The following CELSR3 variants were observed in gnomAD, a reference collection of about 807,000 sequenced individuals.
The protein encoded by CELSR3 is EGF-like protein 1.
In CELSR3, 73 loss-of-function variants were observed where a neutral mutation model predicts 270.0. The ratio of observed to expected loss-of-function variants is 0.27; its 90% CI spans 0.22 to 0.33. The LOEUF (loss-of-function observed/expected upper bound fraction) is 0.33. Ranked by LOEUF, CELSR3 falls within the 10% of genes least tolerant of loss-of-function variation. CELSR3 has a pLI of 1.00. For synonymous variants in CELSR3, 1,780 were observed against 1,905.4 expected (o/e 0.93, Z 1.71); for missense variants, 3,614 against 4,533.8 (o/e 0.80, Z 5.83).
chr3:48,652,623 G>C lies in CELSR3; in HGVS notation c.5635-70C>G. 8.0e-7 allele frequency: 1 copy of C among 1,247,308 alleles called. No individual in the cohort carries two copies. Among genetic ancestry groups the C allele is most frequent in the Non-Finnish European group, 1.1e-6 (1 of 889,502 alleles). The allele number at this position is 1,247,308 out of a possible 1,614,324, so 77.3% of individuals were successfully genotyped here. The stretch of plus-strand genomic sequence containing the variant: ...GAACCCCTGTCATAGCCCAGAGTCA[G>C]TCTTGGCCTTCTTCTAGCCCTTCTA... On this transcript the variant is annotated intron_variant, in intron 10 of 34. Transcript: ENST00000164024. This position sits in a 1 kb window ranked among gnomAD's most constrained non-coding sequence, Gnocchi z 4.3.
chr3:48,645,707 C>T lies in CELSR3; in HGVS notation c.7590+35G>A. ...GGCAGAATCCCCGTGTCCCTTTGAC[C>T]CCCCACTTCCTTGGGACACTGAACA... On this transcript the variant is annotated intron_variant, in intron 23 of 34. Coordinates refer to ENST00000164024, the MANE Select transcript of CELSR3 (RefSeq NM_001407.3). This position sits in a 1 kb window ranked among gnomAD's most constrained non-coding sequence, Gnocchi z 5.4. 6.3e-7 allele frequency: 1 copy of T among 1,599,956 alleles called. No homozygotes were observed. Among genetic ancestry groups the T allele is most frequent in the Non-Finnish European group, 8.5e-7 (1 of 1,169,628 alleles).
rs1559475374 is a variant in CELSR3 at position 48,641,390 on chromosome 3, G to T, written c.8959C>A (p.Gln2987Lys). The T allele has an allele frequency of 6.2e-7, 1 of 1,612,644 alleles. No homozygotes were observed. Among genetic ancestry groups the T allele is most frequent in the South Asian group, 1.1e-5 (1 of 91,080 alleles). Residue 2987 changes from glutamine (Q) to lysine (K), a missense_variant, in exon 33 of 35, where the codon CAG (glutamine) becomes AAG (lysine). Around this residue, in one of 7 missense-constraint regions of CELSR3, gnomAD observed 1,240 missense variants for 1,351.7 expected, o/e 0.92. Transcript: ENST00000164024. This position sits in a 1 kb window ranked among gnomAD's most constrained non-coding sequence, Gnocchi z 4.8. The part of the protein sequence containing the change: ...DTSKDAANNN[Q>K]PDPALTSGDE... ...CCACTGGTCAGGGCCGGGTCTGGCT[G>T]GTTGTTGTTAGCTGCATCCTTGCTG... is the stretch of plus-strand genomic sequence containing the variant.
rs1249321403 is a variant in CELSR3 at position 48,655,861 on chromosome 3, G to A, written c.4626-10C>T. 2.8e-6 allele frequency: 4 copies of A among 1,443,546 alleles called. No homozygotes were observed. The highest frequency in any genetic ancestry group is 3.9e-6 in the Non-Finnish European group (4 of 1,030,268). The allele number at this position is 1,443,546 out of a possible 1,614,324, so 89.4% of individuals were successfully genotyped here. Reference sequence around the variant, plus strand: ...CTGCACTGTCGCGAACCTGGGCGGGGTGGGAGGGGGTTGCGGGGGTGGGAG... The same window carrying A: ...CTGCACTGTCGCGAACCTGGGCGGGATGGGAGGGGGTTGCGGGGGTGGGAG... On this transcript the variant is annotated splice_polypyrimidine_tract_variant and intron_variant, in intron 3 of 34. Coordinates refer to ENST00000164024, the MANE Select transcript of CELSR3 (RefSeq NM_001407.3). This position sits in a 1 kb window ranked among gnomAD's most constrained non-coding sequence, Gnocchi z 5.8.
At chr3:48,648,238 G>GCCCCCCCCAACCC in intron 19 of CELSR3, 28 bp downstream of exon 19, 1 of 1,342,626 alleles carries the variant, frequency 7.4e-7, no homozygotes, top group Non-Finnish European at 1.1e-6. Flanking sequence ...CCCCTGCTGT[G>GCCCCCCCCAACCC]CCCCGCCCTA....
chr3:48,648,846 C>T lies in CELSR3; in HGVS notation c.6650G>A (p.Gly2217Asp). Residue 2217 changes from glycine (G) to aspartate (D), a missense_variant, in exon 18 of 35, where the codon GGC becomes GAC. Transcript: ENST00000164024. ...TTGGCTAAAATAGTGGTCAGTGTGG[C>T]CAGTCACCTCCCGTAGCCGCTGAGC... ...KLAQRLREVT[G>D]HTDHYFSQDV... The T allele has an allele frequency of 6.2e-7, 1 of 1,612,884 alleles. No homozygotes were observed.
In CELSR3 at chr3:48,646,965, T is replaced by C. The variant is rs1320073535; in HGVS notation, c.7130-37A>G. The C allele has an allele frequency of 1.4e-6, 2 of 1,480,026 alleles. No individual in the cohort carries two copies. 91.7% of individuals were successfully genotyped at this position (1,480,026 alleles called of 1,614,324 possible). A position where few individuals can be genotyped will look rare whatever the true frequency, so the allele number is the denominator to read the frequency against. ...GAAGGAGGAGCTTCTGTCAGTGACC[T>C]TTGACCCAAAGCACCCACCAACCCA... On this transcript the variant is annotated intron_variant, in intron 20 of 34. Coordinates refer to ENST00000164024, the MANE Select transcript of CELSR3 (RefSeq NM_001407.3). This position sits in a 1 kb window ranked among gnomAD's most constrained non-coding sequence, Gnocchi z 4.8.
At position 48,646,852 on chromosome 3, in the gene CELSR3, C is replaced by G; in HGVS notation, c.7206G>C (p.Glu2402Asp). 1 of 1,597,728 alleles carries G rather than the reference C, an allele frequency of 6.3e-7. No homozygotes were observed. Among genetic ancestry groups the G allele is most frequent in the Middle Eastern group, 1.7e-4 (1 of 6,000 alleles). ...VVPPPAPPEP[E>D]PGISIIILLV... ...GGAGAATGATAATGGAGATCCCAGGCTCTGGCTCTGGCGGGGCTGGTGGGG... is the reference window on the plus strand; with the variant it reads ...GGAGAATGATAATGGAGATCCCAGGGTCTGGCTCTGGCGGGGCTGGTGGGG... The change falls in exon 21 of 35, where the codon GAG becomes GAC. Residue 2402 changes from glutamate (E) to aspartate (D), a missense_variant. Physicochemically the swap from Glu to Asp is conservative, Grantham distance 45. Transcript: ENST00000164024. This position sits in a 1 kb window ranked among gnomAD's most constrained non-coding sequence, Gnocchi z 4.8.
rs150333695 is a variant in CELSR3, at chr3:48,647,963, G to A, written c.7007C>T (p.Ser2336Phe). The change falls in exon 20 of 35, where the codon TCT (serine) becomes TTT (phenylalanine). Residue 2336 changes from serine (S) to phenylalanine (F), a missense_variant. This residue lies in a region of CELSR3 where 1,240 missense variants were observed against 1,351.7 expected (regional missense o/e 0.92). Transcript: ENST00000164024. ...LSIDRMEHPS[S>F]PRGARRYPRY... is the part of the protein sequence containing the mutation. ...AGGGTAGCGACGGGCCCCCCGGGGA[G>A]AACTGGGGTGCTCCATGCGGTCAAT... 32 of 1,612,008 alleles carry A rather than the reference G, an allele frequency of 2.0e-5. No homozygotes were observed. The African/African-American group carries it at 3.5e-4, about 18-fold the overall frequency.
In CELSR3 at chr3:48,641,004, A is replaced by T. The variant is rs1311851727; in HGVS notation, c.9025+320T>A. 2 of 355,236 alleles carry T rather than the reference A, an allele frequency of 5.6e-6. No homozygotes were observed. Among genetic ancestry groups the T allele is most frequent in the Non-Finnish European group, 1.0e-5 (2 of 196,880 alleles). The allele number at this position is 355,236 out of a possible 1,614,324, so 22.0% of individuals were successfully genotyped here. A position where few individuals can be genotyped will look rare whatever the true frequency, so the allele number is the denominator to read the frequency against. On this transcript the variant is annotated intron_variant, in intron 33 of 34. Coordinates refer to ENST00000164024, the MANE Select transcript of CELSR3 (RefSeq NM_001407.3). The surrounding 1 kb of genome is among the most constrained non-coding windows in gnomAD (Gnocchi z 4.8). ...AGAGTAGGGGGCAGAAATCTTCCAG[A>T]TCAGAGCACGGGCTCTGGGATCTGG...
At position 48,654,025 on chromosome 3, in the gene CELSR3, C is replaced by T. The variant is rs772257404; in HGVS notation, c.5153-22G>A. On this transcript the variant is annotated intron_variant, in intron 7 of 34. Coordinates refer to ENST00000164024, the MANE Select transcript of CELSR3 (RefSeq NM_001407.3). The surrounding 1 kb of genome is among the most constrained non-coding windows in gnomAD (Gnocchi z 5.4). Reference sequence around the variant, plus strand: ...CAGCCTGGGAGAGGAAAGCACATGGCGGACATGAGAACAAGGGTTGGGGGG... The same window carrying T: ...CAGCCTGGGAGAGGAAAGCACATGGTGGACATGAGAACAAGGGTTGGGGGG... The T allele has an allele frequency of 3.2e-5, 51 of 1,609,334 alleles. No individual in the cohort carries two copies. The highest frequency in any genetic ancestry group is 1.7e-4 in the Admixed American group (10 of 59,940).
chr3:48,655,948 G>A lies in CELSR3; in HGVS notation c.4626-97C>T. 2.5e-6 allele frequency: 3 copies of A among 1,200,426 alleles called. No homozygotes were observed. The highest frequency in any genetic ancestry group is 3.6e-6 in the Non-Finnish European group (3 of 837,478). The allele number at this position is 1,200,426 out of a possible 1,614,324, so 74.4% of individuals were successfully genotyped here. On this transcript the variant is annotated intron_variant, in intron 3 of 34. Transcript: ENST00000164024. This position sits in a 1 kb window ranked among gnomAD's most constrained non-coding sequence, Gnocchi z 5.8. ...CTGCGAGGAGAAGGGGCTGGGGCGAGAGAGGAAGCGACGAGGGACGGCGGG... is the reference window on the plus strand; with the variant it reads ...CTGCGAGGAGAAGGGGCTGGGGCGAAAGAGGAAGCGACGAGGGACGGCGGG...
chr3:48,648,685 G>T, intron 18 of CELSR3, 34 bp downstream of exon 18: 2 of 1,594,150 alleles, frequency 1.3e-6, no homozygotes, highest in East Asian at 2.2e-5. Context: ...GAGCTGGGGG[G>T]CCAAGGCACT....
At position 48,654,531 on chromosome 3, in the gene CELSR3, G is replaced by A. The variant is rs1041249394; in HGVS notation, c.4989-79C>T. The A allele has an allele frequency of 7.9e-7, 1 of 1,262,194 alleles. No individual in the cohort carries two copies. Among genetic ancestry groups the A allele is most frequent in the Admixed American group, 2.5e-5 (1 of 40,652 alleles). 78.2% of individuals were successfully genotyped at this position (1,262,194 alleles called of 1,614,324 possible). ...TCCTGGGGGGCCACAGGAAGCAGGG[G>A]GGTAGGACCCAGAGGGTAGGGTGAT... On this transcript the variant is annotated intron_variant, in intron 6 of 34. Coordinates refer to ENST00000164024, the MANE Select transcript of CELSR3 (RefSeq NM_001407.3). This position sits in a 1 kb window ranked among gnomAD's most constrained non-coding sequence, Gnocchi z 5.4.
chr3:48,646,107 C>T lies in CELSR3; in HGVS notation c.7446G>A (p.Gln2482=), dbSNP rs776468120. 4 of 1,612,920 alleles carry T rather than the reference C, an allele frequency of 2.5e-6. No homozygotes were observed. In the Admixed American group the frequency reaches 6.7e-5, roughly 27 times the overall value. Residue 2482 remains glutamine (Q), a synonymous_variant, in exon 22 of 35, where the codon CAG becomes CAA. Coordinates refer to ENST00000164024, the MANE Select transcript of CELSR3 (RefSeq NM_001407.3). This position sits in a 1 kb window ranked among gnomAD's most constrained non-coding sequence, Gnocchi z 4.8. ...TANRSKAICV[Q]WDPPGLAEQH... is the part of the protein sequence containing the mutation. ...GTCCTCACAGGCCAGGTGGGTCCCA[C>T]TGCACACAGATCGCCTTGCTCCGAT...
Position 48,660,226 on chromosome 3 carries a change from G to A in CELSR3, c.2409C>T (p.Ala803=). 1 of 1,614,140 alleles carries A rather than the reference G, an allele frequency of 6.2e-7. No individual in the cohort carries two copies. The highest frequency in any genetic ancestry group is 8.5e-7 in the Non-Finnish European group (1 of 1,180,028). The change falls in exon 1 of 35, where the codon GCC becomes GCT. Residue 803 remains alanine (A), a synonymous_variant. Coordinates refer to ENST00000164024, the MANE Select transcript of CELSR3 (RefSeq NM_001407.3). The surrounding 1 kb of genome is among the most constrained non-coding windows in gnomAD (Gnocchi z 5.5). ...ITGGNTRNRF[A]ISTQGGVGLV... is the part of the protein sequence containing the mutation. ...GACCCACACCCCCCTGGGTGCTGATGGCAAAGCGATTCCGGGTGTTGCCGC... is the reference window on the plus strand; with the variant it reads ...GACCCACACCCCCCTGGGTGCTGATAGCAAAGCGATTCCGGGTGTTGCCGC...
intron 16 of CELSR3, 62 bp from the exon 17 acceptor site, chr3:48,649,277 G>T: frequency 4.7e-6 from 6 of 1,264,626 alleles, no homozygotes; most frequent in Non-Finnish European, 6.8e-6. Context: ...GGAGATAACC[G>T]CAGCACCCTC....
intron 34 of CELSR3, 115 bp from the exon 35 acceptor site, chr3:48,638,347 C>A: frequency 1.3e-6 from 1 of 760,236 alleles, no homozygotes; most frequent in Admixed American, 1.8e-5. Context: ...CCACTGCTCT[C>A]GCCTCTTAGC....
At position 48,653,548 on chromosome 3, in the gene CELSR3, C is replaced by T. The variant is rs1209941723; in HGVS notation, c.5448+71G>A. 5.1e-6 allele frequency: 8 copies of T among 1,557,898 alleles called. No homozygotes were observed. In the African/African-American group the frequency reaches 1.1e-4, roughly 21 times the overall value. On this transcript the variant is annotated intron_variant, in intron 9 of 34. Transcript: ENST00000164024. The surrounding 1 kb of genome is among the most constrained non-coding windows in gnomAD (Gnocchi z 6.5). ...AAGTATGCTGTGTGACCAACCTGAA[C>T]CCACAAGAATGTCAGTGGCGGCCTA... is the stretch of plus-strand genomic sequence containing the variant.
rs779763545 is a variant in CELSR3, at chr3:48,648,697, A to C, written c.6777+22T>G. The C allele has an allele frequency of 1.6e-5, 25 of 1,603,306 alleles. 1 individual carries two copies. The highest frequency in any genetic ancestry group is 2.5e-6 in the Non-Finnish European group (3 of 1,177,734). ...TGGGAGCTGGGGGGCCAAGGCACTG[A>C]GAACATAGGGCACAGCCCCACCTCA... is the stretch of plus-strand genomic sequence containing the variant. On this transcript the variant is annotated intron_variant, in intron 18 of 34. Coordinates refer to ENST00000164024, the MANE Select transcript of CELSR3 (RefSeq NM_001407.3).
Sources: allele counts gnomAD v4.1 joint callset, GRCh38; gene constraint gnomAD v4.1.1; regional missense constraint gnomAD v4.1.1; non-coding constraint Gnocchi (gnomAD v3.1); transcripts MANE v1.5; gene names NCBI Gene and HGNC (gene_info 2026-07-23, HGNC 2026-07-21).